IBTK: variants seen among roughly 807,000 people sequenced by gnomAD.
The protein encoded by IBTK is BTK-binding protein.
A neutral mutation model predicts 154.9 loss-of-function variants in IBTK; 83 were observed. The observed-to-expected ratio is 0.54, with a 90% CI of 0.45 to 0.64. The LOEUF is 0.64. Among genes scored for constraint, IBTK ranks in the 30% least tolerant of loss-of-function variants. The pLI is 0.00. For missense variants in IBTK, 1,332 were observed against 1,584.6 expected (o/e 0.84, Z 2.71); for synonymous variants, 515 against 536.1 (o/e 0.96, Z 0.54).
intron 22 of IBTK, 70 bp downstream of exon 22, chr6:82,196,228 A>G: frequency 8.0e-7 from 1 of 1,250,798 alleles, no homozygotes; most frequent in Non-Finnish European, 1.1e-6. Context: ...AAAAATAAGG[A>G]AATATTAAAG....
At chr6:82,233,894 C>T (rs903027960) in intron 3 of IBTK, among the ~76,000 whole-genome samples, 3 of 151,742 alleles carry the variant, frequency 2.0e-5, no homozygotes, top group Admixed American at 1.3e-4. Context: ...CTACCATGCC[C>T]GGCTAACTTT....
intron 25 of IBTK, among the ~76,000 whole-genome samples, chr6:82,185,367 T>C (rs1236690633): frequency 6.6e-6 from 1 of 150,798 alleles, no homozygotes; most frequent in Non-Finnish European, 1.5e-5. Context: ...CAAGACCAGC[T>C]GGGGATATAC....
chr6:82,188,417 A>G (rs1243188320), intron 25 of IBTK, among the ~76,000 whole-genome samples: 1 of 152,156 alleles, frequency 6.6e-6, no homozygotes, highest in African/African-American at 2.4e-5. Flanking sequence ...GTAGTATTCT[A>G]CTATAAAAAT....
intron 26 of IBTK, 145 bp from the exon 27 acceptor site, chr6:82,173,583 TAAGTA>T: frequency 2.0e-6 from 1 of 505,516 alleles, no homozygotes; most frequent in Non-Finnish European, 3.5e-6. Context: ...TTTAAAATTA[TAAGTA>T]AACAAAATAA....
At chr6:82,205,944 G>A (rs1021084060) in intron 16 of IBTK, 4 of 152,002 alleles carry the variant, frequency 2.6e-5, no homozygotes, top group African/African-American at 9.7e-5. Flanking sequence ...TTTAAAATAT[G>A]AGACAAAGAT....
chr6:82,197,739 C>A (rs1466661203), intron 21 of IBTK, among the ~76,000 whole-genome samples: 2 of 152,104 alleles, frequency 1.3e-5, no homozygotes, highest in African/African-American at 4.8e-5. Flanking sequence ...AGAACACTCT[C>A]AAAAGTCAGT....
At chr6:82,185,641 A>G (rs1562073894) in intron 25 of IBTK, among the ~76,000 whole-genome samples, 1 of 151,706 alleles carries the variant, frequency 6.6e-6, no homozygotes, top group Non-Finnish European at 1.5e-5. Context: ...AAGTATTTAC[A>G]TTCTATGTGT....
In IBTK at chr6:82,212,922, C is replaced by T. The variant is rs895000152; in HGVS notation, c.2205-129G>A. On this transcript the variant is annotated intron_variant, in intron 12 of 28. Coordinates refer to ENST00000306270, the MANE Select transcript of IBTK (RefSeq NM_015525.4). ...CCTAGAAAAGTATCTCAACAAACTC[C>T]TACTCTGAGATAAAGAAATATCATA... 1.7e-5 allele frequency: 10 copies of T among 602,310 alleles called. No homozygotes were observed. The African/African-American group carries it at 1.7e-4, about 10-fold the overall frequency. The allele number at this position is 602,310 out of a possible 1,614,324, so 37.3% of individuals were successfully genotyped here. A position where few individuals can be genotyped will look rare whatever the true frequency, so the allele number is the denominator to read the frequency against.
rs1184967909 is a variant in IBTK at position 82,214,655 on chromosome 6, C to G, written c.1776G>C (p.Leu592Phe). ...LAVHSDFFQK[L>F]FLSDGNTSEF... ...CTGAAGTATTACCATCTGAAAGAAA[C>G]AATTTCTGAAAAAAATCAGAATGCA... The change falls in exon 12 of 29, where the codon TTG becomes TTC. Residue 592 changes from leucine to phenylalanine, a missense_variant. Coordinates refer to ENST00000306270, the MANE Select transcript of IBTK (RefSeq NM_015525.4). 1.4e-5 allele frequency: 22 copies of G among 1,613,874 alleles called. No individual in the cohort carries two copies. Among genetic ancestry groups the G allele is most frequent in the Non-Finnish European group, 1.9e-5 (22 of 1,179,916 alleles).
intron 25 of IBTK, 25 bp downstream of exon 25, chr6:82,191,048 A>C (rs1768747881): frequency 6.8e-7 from 1 of 1,470,004 alleles, no homozygotes; most frequent in Non-Finnish European, 9.0e-7. Context: ...AATCTATATT[A>C]ATTTTAATAA....
chr6:82,190,173 CT>C (rs1372861579), intron 25 of IBTK, among the ~76,000 whole-genome samples: 1 of 152,156 alleles, frequency 6.6e-6, no homozygotes, highest in Non-Finnish European at 1.5e-5. Context: ...CTAACAAGCA[CT>C]GATTTAGTTC....
chr6:82,204,991 T>C, intron 16 of IBTK, 33 bp from the exon 17 acceptor site: 2 of 1,422,258 alleles, frequency 1.4e-6, no homozygotes, highest in Non-Finnish European at 2.0e-6. Context: ...CATCACTTTT[T>C]CTTTGTATAC....
chr6:82,203,363 T>C (rs1026941855), intron 17 of IBTK, among the ~76,000 whole-genome samples: 2 of 152,124 alleles, frequency 1.3e-5, no homozygotes, highest in Non-Finnish European at 2.9e-5. Context: ...CTATTTTTCT[T>C]AATTACTCTA....
intron 5 of IBTK, among the ~76,000 whole-genome samples, chr6:82,225,864 T>C (rs1770277785): frequency 6.6e-6 from 1 of 152,168 alleles, no homozygotes; most frequent in African/African-American, 2.4e-5. Flanking sequence ...CAGTAAGACA[T>C]TCCAGTGAAA....
At position 82,240,739 on chromosome 6, in the gene IBTK, A is replaced by C; in HGVS notation, c.-253T>G. 2.1e-6 allele frequency: 1 copy of C among 477,070 alleles called. No homozygotes were observed. The highest frequency in any genetic ancestry group is 3.7e-6 in the Non-Finnish European group (1 of 273,956). 29.6% of individuals were successfully genotyped at this position (477,070 alleles called of 1,614,324 possible). On this transcript the variant is annotated 5_prime_UTR_variant, in exon 2 of 29. Coordinates refer to ENST00000306270, the MANE Select transcript of IBTK (RefSeq NM_015525.4). ...AGTTCTTCATTTAAAAAAATTCCAC[A>C]GTTTATAAATTATTCCTGGAGTCAA...
At chr6:82,227,048 C>T (rs1582243894) in intron 5 of IBTK, 144 bp downstream of exon 5, 1 of 531,988 alleles carries the variant, frequency 1.9e-6, no homozygotes, top group East Asian at 3.1e-5. Flanking sequence ...CATGATATAT[C>T]AGGAAACAGA....
At chr6:82,211,870 T>C (rs1196260667) in intron 13 of IBTK, among the ~76,000 whole-genome samples, 1 of 152,218 alleles carries the variant, frequency 6.6e-6, no homozygotes, top group East Asian at 1.9e-4. Flanking sequence ...TGATATCATA[T>C]TTAAGTCTCT....
At chr6:82,234,293 A>G (rs999892053) in intron 2 of IBTK, 38 bp from the exon 3 acceptor site, 3 of 749,776 alleles carry the variant, frequency 4.0e-6, no homozygotes, top group Non-Finnish European at 5.8e-6. Context: ...AAATATATAT[A>G]TATTATTAAT....
In IBTK at chr6:82,230,569, G is replaced by C. The variant is rs558752241; in HGVS notation, c.543+1149C>G. ...GCACCTAGGTTCATGAGACAGAAAA[G>C]AACTAAATAGACATGCTCTGAGGTA... On this transcript the variant is annotated intron_variant, in intron 4 of 28. Transcript: ENST00000306270. 3.9e-5 allele frequency among the ~76,000 whole-genome samples: 6 copies of C among 152,220 alleles called. No homozygotes were observed. In the East Asian group the frequency reaches 1.2e-3, roughly 29 times the overall value.
Sources: allele counts gnomAD v4.1 joint callset (sites outside exome capture counted in the v4.1 genomes callset), GRCh38; gene constraint gnomAD v4.1.1; transcripts MANE v1.5; gene names NCBI Gene and HGNC (gene_info 2026-07-23, HGNC 2026-07-21).